Variants in DIRAS3 observed in about 807,000 individuals in gnomAD.
DIRAS3 encodes DIRAS family GTPase 3.
For missense variants in DIRAS3, 248 were observed against 300.6 expected (o/e 0.83, Z 1.29); for synonymous variants, 133 against 131.4 (o/e 1.01, Z -0.08).
At position 68,046,398 on chromosome 1, in the gene DIRAS3, T is replaced by C. The variant is rs1475458069; in HGVS notation, c.*210A>G. On this transcript the variant is annotated 3_prime_UTR_variant, in exon 2 of 2. Coordinates refer to ENST00000646789, the MANE Select transcript of DIRAS3 (RefSeq NM_004675.5). ...AAATACATCATGCTACATTTTGTTC[T>C]CCTCTTCAAATGCCAATGTTTTAAC... 5.8e-6 allele frequency: 3 copies of C among 519,300 alleles called. No homozygotes were observed. The highest frequency in any genetic ancestry group is 1.0e-5 in the Non-Finnish European group (3 of 295,694). The allele number at this position is 519,300 out of a possible 1,614,324, so 32.2% of individuals were successfully genotyped here.
chr1:68,046,469 A>T lies in DIRAS3; in HGVS notation c.*139T>A, dbSNP rs1645673369. 15 of 754,338 alleles carry T rather than the reference A, an allele frequency of 2.0e-5. No homozygotes were observed. 46.7% of individuals were successfully genotyped at this position (754,338 alleles called of 1,614,324 possible). A position where few individuals can be genotyped will look rare whatever the true frequency, so the allele number is the denominator to read the frequency against. The stretch of plus-strand genomic sequence containing the variant: ...GGAAAAAGAAAAGTTATCCACTTAC[A>T]AGGTATACGTATTGACAACATGGAT... On this transcript the variant is annotated 3_prime_UTR_variant, in exon 2 of 2. Coordinates refer to ENST00000646789, the MANE Select transcript of DIRAS3 (RefSeq NM_004675.5).
At position 68,047,382 on chromosome 1, in the gene DIRAS3, G is replaced by T; in HGVS notation, c.-65-20C>A. ...AGACCCCTAGGAAGAAAGTGAGACG[G>T]TGAGAGATGGTAGTGGTAACCTACA... On this transcript the variant is annotated intron_variant, in intron 1 of 1. Transcript: ENST00000646789. The T allele has an allele frequency of 8.2e-7, 1 of 1,217,050 alleles. No homozygotes were observed. The highest frequency in any genetic ancestry group is 1.5e-5 in the South Asian group (1 of 68,792). The allele number at this position is 1,217,050 out of a possible 1,614,324, so 75.4% of individuals were successfully genotyped here. A position where few individuals can be genotyped will look rare whatever the true frequency, so the allele number is the denominator to read the frequency against.
chr1:68,048,034 A>T (rs1645691192), intron 1 of DIRAS3, among the ~76,000 whole-genome samples: 1 of 59,218 alleles, frequency 1.7e-5, no homozygotes, highest in African/African-American at 7.8e-5. Context: ...AAAAAAAAAA[A>T]AAAAAAAAAA....
rs767507651 is a variant in DIRAS3, at chr1:68,046,788, C to T, written c.510G>A (p.Ala170=). The stretch of plus-strand genomic sequence containing the variant: ...CCATGAAGGCGCAATTCCACTCCAT[C>T]GCACAGGTGGCACCATCATTCAGGG... ...EVALNDGATC[A]MEWNCAFMEI... Residue 170 remains alanine (A), a synonymous_variant, in exon 2 of 2, where the codon GCG becomes GCA. Coordinates refer to ENST00000646789, the MANE Select transcript of DIRAS3 (RefSeq NM_004675.5). 1.2e-6 allele frequency: 2 copies of T among 1,614,182 alleles called. No homozygotes were observed. The highest frequency in any genetic ancestry group is 3.3e-5 in the Admixed American group (2 of 60,020).
chr1:68,047,231 G>A lies in DIRAS3; in HGVS notation c.67C>T (p.Leu23=), dbSNP rs140394902. 44 of 1,613,630 alleles carry A rather than the reference G, an allele frequency of 2.7e-5. No individual in the cohort carries two copies. In the African/African-American group the frequency reaches 5.2e-4, roughly 19 times the overall value. ...GGCTTGAAGGCGCGGAGGATAAGCA[G>A]GGCGGGCAGAAGCCGCAACCGCTTC... The part of the protein sequence containing the change: ...LLKRLRLLPA[L]LILRAFKPHR... The change falls in exon 2 of 2, where the codon CTG becomes TTG. Residue 23 remains leucine (L), a synonymous_variant. Coordinates refer to ENST00000646789, the MANE Select transcript of DIRAS3 (RefSeq NM_004675.5).
chr1:68,048,191 C>G (rs1383346035), intron 1 of DIRAS3, among the ~76,000 whole-genome samples: 1 of 149,976 alleles, frequency 6.7e-6, no homozygotes, highest in African/African-American at 2.5e-5. Context: ...CTACCTTTAA[C>G]AAAGTACTTT....
Position 68,047,220 on chromosome 1 carries a change from G to C in DIRAS3, c.78C>G (p.Leu26=), listed in dbSNP as rs769620543. Residue 26 remains leucine, a synonymous_variant, in exon 2 of 2, where the codon CTC becomes CTG. Coordinates refer to ENST00000646789, the MANE Select transcript of DIRAS3 (RefSeq NM_004675.5). Reference sequence around the variant, plus strand: ...TCTTCCTGTGGGGCTTGAAGGCGCGGAGGATAAGCAGGGCGGGCAGAAGCC... The same window carrying C: ...TCTTCCTGTGGGGCTTGAAGGCGCGCAGGATAAGCAGGGCGGGCAGAAGCC... ...RLRLLPALLI[L]RAFKPHRKIR... 6.2e-7 allele frequency: 1 copy of C among 1,614,000 alleles called. No homozygotes were observed. Among genetic ancestry groups the C allele is most frequent in the Non-Finnish European group, 8.5e-7 (1 of 1,180,048 alleles).
intron 1 of DIRAS3, among the ~76,000 whole-genome samples, chr1:68,048,692 A>T (rs929742934): frequency 6.6e-6 from 1 of 150,664 alleles, no homozygotes; most frequent in Non-Finnish European, 1.5e-5. Flanking sequence ...TGCAAGTCCC[A>T]TGAGAGAGTA....
At chr1:68,048,040 A>T (rs1479444514) in intron 1 of DIRAS3, among the ~76,000 whole-genome samples, 12 of 73,136 alleles carry the variant, frequency 1.6e-4, no homozygotes, top group African/African-American at 7.2e-4. Context: ...AAAAAAAAAA[A>T]AAAAAAAAAA....
At position 68,046,777 on chromosome 1, in the gene DIRAS3, T is replaced by G. The variant is rs1471580553; in HGVS notation, c.521A>C (p.Asn174Thr). ...NDGATCAMEW[N>T]CAFMEISAKT... is the part of the protein sequence containing the mutation. ...GGCTGAAATCTCCATGAAGGCGCAA[T>G]TCCACTCCATCGCACAGGTGGCACC... Residue 174 changes from asparagine to threonine, a missense_variant, in exon 2 of 2, where the codon AAT (asparagine) becomes ACT (threonine). Asn to Thr is a moderately conservative substitution (Grantham distance 65, BLOSUM62 0). Coordinates refer to ENST00000646789, the MANE Select transcript of DIRAS3 (RefSeq NM_004675.5). 6.2e-7 allele frequency: 1 copy of G among 1,614,046 alleles called. No individual in the cohort carries two copies. The highest frequency in any genetic ancestry group is 1.3e-5 in the African/African-American group (1 of 74,918).
chr1:68,046,697 T>C lies in DIRAS3; in HGVS notation c.601A>G (p.Lys201Glu). The C allele has an allele frequency of 6.2e-7, 1 of 1,614,130 alleles. No individual in the cohort carries two copies. The highest frequency in any genetic ancestry group is 8.5e-7 in the Non-Finnish European group (1 of 1,180,030). ...LFHMLLNYKK[K>E]PTTGLQEPEK... ...GGCTCCTGGAGGCCGGTGGTGGGCT[T>C]TTTCTTGTAATTCAGCAGCATGTGG... is the stretch of plus-strand genomic sequence containing the variant. Residue 201 changes from lysine to glutamate, a missense_variant, in exon 2 of 2, where the codon AAG (lysine) becomes GAG (glutamate). Physicochemically the swap from Lys to Glu is moderately conservative, Grantham distance 56. Coordinates refer to ENST00000646789, the MANE Select transcript of DIRAS3 (RefSeq NM_004675.5).
chr1:68,047,691 TAAAATTAAGATTTTAATTG>T (rs1645687434), intron 1 of DIRAS3, among the ~76,000 whole-genome samples: 1 of 152,000 alleles, frequency 6.6e-6, no homozygotes, highest in African/African-American at 2.4e-5. Flanking sequence ...TCCTCGCTTG[TAAAATTAAGATTTTAATTG>T]AAGAGGACTG....
intron 1 of DIRAS3, among the ~76,000 whole-genome samples, chr1:68,049,058 T>C (rs909623840): frequency 2.6e-5 from 4 of 151,694 alleles, no homozygotes; most frequent in African/African-American, 9.7e-5. Flanking sequence ...AGTTTTCATT[T>C]GAAAAAAAAA....
At chr1:68,049,229 CA>C (rs908472196) in intron 1 of DIRAS3, 2 of 152,210 alleles carry the variant, frequency 1.3e-5, no homozygotes, top group Admixed American at 1.3e-4. Flanking sequence ...GAGGTTAATA[CA>C]GTAAATATTT....
chr1:68,050,208 T>TTC lies in DIRAS3; in HGVS notation c.-66+338_-66+339dup, dbSNP rs1570742506. On this transcript the variant is annotated intron_variant, in intron 1 of 1. Coordinates refer to ENST00000646789, the MANE Select transcript of DIRAS3 (RefSeq NM_004675.5). The surrounding 1 kb of genome is among the most constrained non-coding windows in gnomAD (Gnocchi z 4.5). ...CCTCCTCGCCCATTTCAATCTTACT[T>TTC]TCACACTACATGACTCCACTATTAC... is the stretch of plus-strand genomic sequence containing the variant. Among the ~76,000 whole-genome samples the TTC allele has an allele frequency of 6.6e-6, 1 of 152,168 alleles. No homozygotes were observed. Among genetic ancestry groups the TTC allele is most frequent in the East Asian group, 1.9e-4 (1 of 5,176 alleles).
Position 68,050,054 on chromosome 1 carries a change from G to C in DIRAS3, c.-66+494C>G, listed in dbSNP as rs1240175863. Among the ~76,000 whole-genome samples the C allele has an allele frequency of 6.6e-6, 1 of 151,498 alleles. No homozygotes were observed. Among genetic ancestry groups the C allele is most frequent in the African/African-American group, 2.4e-5 (1 of 41,072 alleles). The stretch of plus-strand genomic sequence containing the variant: ...GGTGAAAGTTTCCAGGAACCAGAGG[G>C]CGTCCAAACCCAGCGGCCGTGCGGA... On this transcript the variant is annotated intron_variant, in intron 1 of 1. Transcript: ENST00000646789. This position sits in a 1 kb window ranked among gnomAD's most constrained non-coding sequence, Gnocchi z 4.5.
In DIRAS3 at chr1:68,047,034, G is replaced by A; in HGVS notation, c.264C>T (p.His88=). The change falls in exon 2 of 2, where the codon CAC becomes CAT. Residue 88 remains histidine, a synonymous_variant. Coordinates refer to ENST00000646789, the MANE Select transcript of DIRAS3 (RefSeq NM_004675.5). The part of the protein sequence containing the change: ...LGCSHGVLSL[H]ITDSKSGDGN... ...CGTCGCCACTCTTGCTGTCGGTGAT[G>A]TGCAGGGAAAGCACACCGTGGCTGC... 1.2e-6 allele frequency: 2 copies of A among 1,614,214 alleles called. No individual in the cohort carries two copies. Among genetic ancestry groups the A allele is most frequent in the Non-Finnish European group, 8.5e-7 (1 of 1,180,040 alleles).
Position 68,046,396 on chromosome 1 carries a change from TCTC to T in DIRAS3, c.*209_*211del, listed in dbSNP as rs773124942. On this transcript the variant is annotated 3_prime_UTR_variant, in exon 2 of 2. Transcript: ENST00000646789. The stretch of plus-strand genomic sequence containing the variant: ...TTAAATACATCATGCTACATTTTGT[TCTC>T]CTCTTCAAATGCCAATGTTTTAACA... 5.0e-5 allele frequency: 26 copies of T among 514,934 alleles called. No homozygotes were observed. The highest frequency in any genetic ancestry group is 7.9e-5 in the Non-Finnish European group (23 of 292,860). The allele number at this position is 514,934 out of a possible 1,614,324, so 31.9% of individuals were successfully genotyped here.
chr1:68,048,049 AATATATATATATATAT>A (rs57871159), intron 1 of DIRAS3, among the ~76,000 whole-genome samples: 35 of 7,272 alleles, frequency 4.8e-3, no homozygotes, highest in South Asian at 0.025. Context: ...AAAAAAAAAA[AATATATATATATATAT>A]ATATATATAT....
Sources: allele counts gnomAD v4.1 joint callset (sites outside exome capture counted in the v4.1 genomes callset), GRCh38; gene constraint gnomAD v4.1.1; non-coding constraint Gnocchi (gnomAD v3.1); transcripts MANE v1.5; gene names NCBI Gene and HGNC (gene_info 2026-07-23, HGNC 2026-07-21).